The following CSGALNACT1 variants were observed in gnomAD, a reference collection of about 807,000 sequenced individuals.
CSGALNACT1 encodes chondroitin sulfate N-acetylgalactosaminyltransferase 1, also known as beta4GalNAcT-1.
A neutral mutation model predicts 51.0 loss-of-function variants in CSGALNACT1; 52 were observed. The observed-to-expected ratio is 1.02, with a 90% CI of 0.82 to 1.29. The LOEUF (loss-of-function observed/expected upper bound fraction) is 1.29, where lower values mean the gene tolerates loss of function less well. Ranked by LOEUF, CSGALNACT1 falls within the 50% of genes most tolerant of loss-of-function variation. The pLI, the probability that CSGALNACT1 is intolerant of heterozygous loss-of-function variation, is 0.00. For missense variants in CSGALNACT1, 935 were observed against 679.2 expected (o/e 1.38, Z -4.19); for synonymous variants, 341 against 254.4 (o/e 1.34, Z -3.24).
At chr8:19,748,211 C>T (rs62494512) in intron 1 of CSGALNACT1, among the ~76,000 whole-genome samples, 105 of 152,222 alleles carry the variant, frequency 6.9e-4, no homozygotes, top group Non-Finnish European at 1.0e-3. Flanking sequence ...ATTACCTTTC[C>T]GGTAACTAAT....
rs60464594 is a variant in CSGALNACT1, at chr8:19,716,612, CAAAAAAAAAAAAA to C, written c.-297+41225_-297+41237del. On this transcript the variant is annotated intron_variant, in intron 1 of 1. Coordinates refer to the CSGALNACT1 transcript ENST00000517494. ...GGCCAACATGGTAAAACCCTCTCTA[CAAAAAAAAAAAAA>C]AAAAAAAAAAAAAAAAATTAGCCAG... 9.6e-3 allele frequency among the ~76,000 whole-genome samples: 403 copies of C among 42,032 alleles called. 6 individuals are homozygous for C. Among genetic ancestry groups the C allele is most frequent in the Admixed American group, 0.085 (201 of 2,378 alleles). The allele number at this position is 42,032 out of a possible 152,430, so 27.6% of individuals were successfully genotyped here. A position where few individuals can be genotyped will look rare whatever the true frequency, so the allele number is the denominator to read the frequency against.
intron 1 of CSGALNACT1, among the ~76,000 whole-genome samples, chr8:19,626,959 T>C (rs1325508422): frequency 6.6e-6 from 1 of 152,234 alleles, no homozygotes; most frequent in Non-Finnish European, 1.5e-5. Flanking sequence ...CTGGTGGGAA[T>C]GTGAAATGTA....
chr8:19,586,636 C>A (rs1302974454), intron 3 of CSGALNACT1, among the ~76,000 whole-genome samples: 3 of 152,002 alleles, frequency 2.0e-5, no homozygotes, highest in Non-Finnish European at 4.4e-5. Flanking sequence ...CTATGACTGG[C>A]AATGAAGTGT....
chr8:19,523,252 T>A (rs1368761884), intron 3 of CSGALNACT1, among the ~76,000 whole-genome samples: 1 of 152,126 alleles, frequency 6.6e-6, no homozygotes, highest in South Asian at 2.1e-4. Context: ...AACAGCATTA[T>A]CACACAGTAC....
At chr8:19,634,821 T>C (rs1220626471) in intron 1 of CSGALNACT1, among the ~76,000 whole-genome samples, 1 of 152,186 alleles carries the variant, frequency 6.6e-6, no homozygotes, top group African/African-American at 2.4e-5. Flanking sequence ...TCTAGACCTA[T>C]GAGAAAATTC....
intron 1 of CSGALNACT1, among the ~76,000 whole-genome samples, chr8:19,619,041 T>C (rs547299562): frequency 6.6e-6 from 1 of 152,080 alleles, no homozygotes; most frequent in Non-Finnish European, 1.5e-5. Flanking sequence ...CCCTGCCCTC[T>C]TAGAGAAGTC....
intron 3 of CSGALNACT1, among the ~76,000 whole-genome samples, chr8:19,521,996 T>G (rs963136450): frequency 3.9e-5 from 6 of 152,210 alleles, no homozygotes; most frequent in Non-Finnish European, 8.8e-5. Flanking sequence ...TAGCAGTCAA[T>G]GCAGTGGTTG....
chr8:19,545,201 G>A (rs2086187343), intron 3 of CSGALNACT1, among the ~76,000 whole-genome samples: 1 of 152,178 alleles, frequency 6.6e-6, no homozygotes, highest in South Asian at 2.1e-4. Flanking sequence ...AGGGAGGCCT[G>A]TTCATAGCAG....
chr8:19,551,872 A>C (rs2088202357), intron 3 of CSGALNACT1, among the ~76,000 whole-genome samples: 1 of 152,198 alleles, frequency 6.6e-6, no homozygotes, highest in African/African-American at 2.4e-5. Context: ...AGAGATAAAC[A>C]AATGTGTTCC....
At chr8:19,511,271 A>G (rs2078413889) in intron 3 of CSGALNACT1, among the ~76,000 whole-genome samples, 1 of 152,244 alleles carries the variant, frequency 6.6e-6, no homozygotes, top group Admixed American at 6.5e-5. Flanking sequence ...GGAGAAAAAA[A>G]CAAGCAGTGT....
chr8:19,653,703 G>A (rs985165229), intron 1 of CSGALNACT1, among the ~76,000 whole-genome samples: 1 of 152,008 alleles, frequency 6.6e-6, no homozygotes, highest in Admixed American at 6.5e-5. Flanking sequence ...CTGAGGCGGA[G>A]GGATTGCTTA....
At chr8:19,407,154 G>C (rs576155524) in intron 9 of CSGALNACT1, among the ~76,000 whole-genome samples, 2 of 152,226 alleles carry the variant, frequency 1.3e-5, no homozygotes, top group South Asian at 4.1e-4. Context: ...CATCCTGGGT[G>C]CTCTGCTCCT....
chr8:19,717,415 G>T (rs777114387), intron 1 of CSGALNACT1, among the ~76,000 whole-genome samples: 34 of 152,138 alleles, frequency 2.2e-4, no homozygotes, highest in Admixed American at 6.5e-4. Context: ...CACACCAAAA[G>T]GTTACTTAGG....
At chr8:19,716,612 C>CAAA (rs60464594) in intron 1 of CSGALNACT1, among the ~76,000 whole-genome samples, 11,067 of 41,882 alleles carry the variant, frequency 0.26, 3,434 homozygotes, top group East Asian at 0.39. Flanking sequence ...ACCCTCTCTA[C>CAAA]AAAAAAAAAA....
intron 1 of CSGALNACT1, among the ~76,000 whole-genome samples, chr8:19,637,137 C>G (rs2056181109): frequency 6.6e-6 from 1 of 152,148 alleles, no homozygotes; most frequent in Admixed American, 6.5e-5. Context: ...ACCCAGGAGG[C>G]AGAGGTTGTA....
At chr8:19,411,246 T>C (rs1235968092) in intron 8 of CSGALNACT1, among the ~76,000 whole-genome samples, 1 of 152,232 alleles carries the variant, frequency 6.6e-6, no homozygotes, top group African/African-American at 2.4e-5. Context: ...CTTGCTGCAC[T>C]GGACCCCTGG....
At chr8:19,433,661 T>A (rs1030730934) in intron 6 of CSGALNACT1, among the ~76,000 whole-genome samples, 2 of 152,140 alleles carry the variant, frequency 1.3e-5, no homozygotes, top group Non-Finnish European at 2.9e-5. Flanking sequence ...CTCCGGACAG[T>A]TCAAATAGTG....
At chr8:19,408,946 G>A (rs1312123409) in intron 8 of CSGALNACT1, among the ~76,000 whole-genome samples, 1 of 60,668 alleles carries the variant, frequency 1.6e-5, no homozygotes, top group Non-Finnish European at 3.8e-5. Flanking sequence ...GCATAGATAT[G>A]AAAACACACA....
intron 1 of CSGALNACT1, among the ~76,000 whole-genome samples, chr8:19,701,300 T>A (rs2061866040): frequency 6.6e-6 from 1 of 151,876 alleles, no homozygotes; most frequent in African/African-American, 2.4e-5. Flanking sequence ...GGATTACAGA[T>A]GTGCCACCAC....
Sources: gnomAD v4.1 joint callset for allele counts (sites outside exome capture counted in the v4.1 genomes callset) on GRCh38, gnomAD v4.1.1 for gene constraint, MANE v1.5 for transcripts, NCBI Gene and HGNC (gene_info 2026-07-23, HGNC 2026-07-21) for gene names.